FAT3: variants seen among roughly 807,000 people sequenced by gnomAD.
The protein encoded by FAT3 is protocadherin Fat 3.
In FAT3, 95 loss-of-function variants were observed where a neutral mutation model predicts 310.2. The observed-to-expected ratio is 0.31, with a 90% CI of 0.26 to 0.36. The LOEUF (loss-of-function observed/expected upper bound fraction) is 0.36, where lower values mean the gene tolerates loss of function less well. Ranked by LOEUF, FAT3 falls within the 10% of genes least tolerant of loss-of-function variation. The pLI is 1.00. For missense variants in FAT3, 5,408 were observed against 5,715.6 expected (o/e 0.95, Z 1.74); for synonymous variants, 2,314 against 2,192.9 (o/e 1.06, Z -1.54).
At chr11:92,232,310 A>C (rs1232398325) in intron 1 of FAT3, among the ~76,000 whole-genome samples, 1 of 152,242 alleles carries the variant, frequency 6.6e-6, no homozygotes, top group Non-Finnish European at 1.5e-5. Context: ...CAAATGAATA[A>C]GAATTCAGAA....
chr11:92,238,977 G>A (rs192164644), intron 1 of FAT3, among the ~76,000 whole-genome samples: 242 of 152,118 alleles, frequency 1.6e-3, no homozygotes, highest in South Asian at 2.5e-3. Flanking sequence ...TCATTTTTGC[G>A]TTTGTTAATA....
intron 7 of FAT3, among the ~76,000 whole-genome samples, chr11:92,787,187 A>G (rs927608033): frequency 6.6e-6 from 1 of 152,170 alleles, no homozygotes; most frequent in African/African-American, 2.4e-5. Context: ...TGTAACTGTA[A>G]TGTTAAATGA....
chr11:92,620,013 A>G (rs2135664356), intron 3 of FAT3, among the ~76,000 whole-genome samples: 1 of 152,250 alleles, frequency 6.6e-6, no homozygotes, highest in South Asian at 2.1e-4. Context: ...GCTTTACTGC[A>G]TCTCATAAGT....
intron 6 of FAT3, among the ~76,000 whole-genome samples, chr11:92,769,547 C>T (rs533537312): frequency 6.6e-6 from 1 of 152,328 alleles, no homozygotes; most frequent in South Asian, 2.1e-4. Flanking sequence ...ACCTTTATTA[C>T]ACACCTCAGA....
At chr11:92,528,487 C>T (rs556874704) in intron 3 of FAT3, among the ~76,000 whole-genome samples, 92 of 152,254 alleles carry the variant, frequency 6.0e-4, no homozygotes, top group Non-Finnish European at 8.7e-4. Context: ...CCCGAGTTCA[C>T]GCCATTCTCC....
At chr11:92,280,464 T>C (rs955837861) in intron 1 of FAT3, among the ~76,000 whole-genome samples, 1 of 152,226 alleles carries the variant, frequency 6.6e-6, no homozygotes, top group Non-Finnish European at 1.5e-5. Context: ...AACACATATG[T>C]ATTCCTTTTT....
At chr11:92,424,990 A>T (rs142058583) in intron 2 of FAT3, among the ~76,000 whole-genome samples, 1 of 152,208 alleles carries the variant, frequency 6.6e-6, no homozygotes, top group African/African-American at 2.4e-5. Context: ...TTGTCAGGTG[A>T]CTTAACAACA....
At chr11:92,509,226 C>T (rs904899618) in intron 2 of FAT3, among the ~76,000 whole-genome samples, 36 of 152,090 alleles carry the variant, frequency 2.4e-4, no homozygotes, top group Admixed American at 1.9e-3. Context: ...AATCTTATAA[C>T]GATTTAATCA....
At chr11:92,400,798 A>G (rs1335650512) in intron 2 of FAT3, 2 of 152,178 alleles carry the variant, frequency 1.3e-5, no homozygotes, top group African/African-American at 4.8e-5. Context: ...GAGGAAGCAC[A>G]GATCAATAAT....
At chr11:92,248,115 C>A (rs1444257051) in intron 1 of FAT3, among the ~76,000 whole-genome samples, 1 of 152,080 alleles carries the variant, frequency 6.6e-6, no homozygotes, top group Non-Finnish European at 1.5e-5. Context: ...AAGGAGTTAT[C>A]TTCCTATTGC....
chr11:92,751,588 C>T (rs954444704), intron 4 of FAT3, among the ~76,000 whole-genome samples: 3 of 152,270 alleles, frequency 2.0e-5, no homozygotes, highest in Admixed American at 6.5e-5. Context: ...TGCAGCCATA[C>T]CCCACAACCC....
At chr11:92,389,485 A>G (rs1949700799) in intron 2 of FAT3, among the ~76,000 whole-genome samples, 1 of 152,228 alleles carries the variant, frequency 6.6e-6, no homozygotes, top group East Asian at 1.9e-4. Flanking sequence ...CAAATTTACA[A>G]GTATGGAGGA....
At chr11:92,815,683 C>G (rs950765806) in intron 13 of FAT3, among the ~76,000 whole-genome samples, 8 of 152,118 alleles carry the variant, frequency 5.3e-5, no homozygotes, top group African/African-American at 1.7e-4. Context: ...GCAAGGTAGG[C>G]TATTTAGTCA....
At chr11:92,387,695 A>G (rs147205880) in intron 2 of FAT3, among the ~76,000 whole-genome samples, 1 of 152,256 alleles carries the variant, frequency 6.6e-6, no homozygotes, top group Admixed American at 6.5e-5. Flanking sequence ...TCTAGATTAA[A>G]AATATAGGAG....
rs142055135 is a variant in FAT3 at position 92,538,280 on chromosome 11, G to T, written c.3607+13332G>T. Among the ~76,000 whole-genome samples, 186 of 152,214 alleles carry T rather than the reference G, an allele frequency of 1.2e-3. 1 individual carries two copies. In the Middle Eastern group the frequency reaches 0.017, roughly 14 times the overall value. On this transcript the variant is annotated intron_variant, in intron 3 of 27. Coordinates refer to ENST00000525166, the MANE Select transcript of FAT3 (RefSeq NM_001367949.2). ...ACCTGTTTTCTCAGAATTTTACCCTGTGAAATTCACCAGTACACCCACAAG... is the reference window on the plus strand; with the variant it reads ...ACCTGTTTTCTCAGAATTTTACCCTTTGAAATTCACCAGTACACCCACAAG...
rs568560127 is a variant in FAT3 at position 92,768,298 on chromosome 11, G to A, written c.4195+3209G>A. Reference sequence around the variant, plus strand: ...CTTCTTTTCCAAATTGAACTTACTGGGCCAGATGCCCAAACAGAACATGAT... The same window carrying A: ...CTTCTTTTCCAAATTGAACTTACTGAGCCAGATGCCCAAACAGAACATGAT... On this transcript the variant is annotated intron_variant, in intron 6 of 27. Coordinates refer to ENST00000525166, the MANE Select transcript of FAT3 (RefSeq NM_001367949.2). Among the ~76,000 whole-genome samples, 4 of 152,168 alleles carry A rather than the reference G, an allele frequency of 2.6e-5. No homozygotes were observed. The South Asian group carries it at 6.2e-4, about 24-fold the overall frequency.
intron 1 of FAT3, among the ~76,000 whole-genome samples, chr11:92,324,939 T>C (rs889366401): frequency 3.9e-5 from 6 of 152,230 alleles, no homozygotes; most frequent in African/African-American, 1.4e-4. Context: ...AACTGAAGAC[T>C]GACACCAGGA....
intron 2 of FAT3, among the ~76,000 whole-genome samples, chr11:92,359,430 G>A (rs1041113040): frequency 6.6e-6 from 1 of 152,062 alleles, no homozygotes; most frequent in African/African-American, 2.4e-5. Flanking sequence ...GTGGAAGTGT[G>A]TATGCTGGGA....
At chr11:92,731,258 G>C (rs1277661904) in intron 4 of FAT3, among the ~76,000 whole-genome samples, 4 of 152,138 alleles carry the variant, frequency 2.6e-5, no homozygotes, top group Non-Finnish European at 5.9e-5. Context: ...ATTGGTGCCA[G>C]TTTTACCTCC....
Sources: allele counts gnomAD v4.1 joint callset (sites outside exome capture counted in the v4.1 genomes callset), GRCh38; gene constraint gnomAD v4.1.1; transcripts MANE v1.5; gene names NCBI Gene and HGNC (gene_info 2026-07-23, HGNC 2026-07-21).